NDUFC1: variants seen among roughly 807,000 people sequenced by gnomAD.
The protein encoded by NDUFC1 is NADH:ubiquinone oxidoreductase subunit C1.
NDUFC1 carries 11 observed loss-of-function variants against 11.6 expected under a neutral mutation model. The observed-to-expected ratio is 0.95, with a 90% confidence interval of 0.60 to 1.58. NDUFC1 has a LOEUF of 1.58. Ranked by LOEUF, NDUFC1 falls within the 40% of genes most tolerant of loss-of-function variation. The pLI is 0.00. For missense variants in NDUFC1, 112 were observed against 93.0 expected (o/e 1.20, Z -0.84); for synonymous variants, 52 against 42.2 (o/e 1.23, Z -0.90).
At chr4:139,301,791 G>A (rs767637485) in intron 1 of NDUFC1, 2 of 1,584,188 alleles carry the variant, frequency 1.3e-6, no homozygotes, top group Non-Finnish European at 1.7e-6. Flanking sequence ...CCGGCCGTGA[G>A]CCTCCCGCCC....
chr4:139,293,110 G>A (rs1171082120), intron 4 of NDUFC1, among the ~76,000 whole-genome samples: 2 of 152,092 alleles, frequency 1.3e-5, no homozygotes, highest in Non-Finnish European at 2.9e-5. Flanking sequence ...ATGAGCCACC[G>A]CACCTGGCCA....
intron 3 of NDUFC1, 130 bp from the exon 4 acceptor site, chr4:139,295,276 G>T: frequency 1.4e-6 from 1 of 717,524 alleles, no homozygotes; most frequent in South Asian, 1.6e-5. Flanking sequence ...AACAGCCAAG[G>T]AAATAGAGGT....
At chr4:139,290,966 T>C (rs1273402414) in intron 5 of NDUFC1, among the ~76,000 whole-genome samples, 2 of 151,412 alleles carry the variant, frequency 1.3e-5, no homozygotes, top group Non-Finnish European at 2.9e-5. Flanking sequence ...CGCACCACCA[T>C]GCCTAGCTAT....
chr4:139,301,265 T>C (rs1019858675), intron 1 of NDUFC1: 2 of 343,196 alleles, frequency 5.8e-6, no homozygotes, highest in African/African-American at 4.2e-5. Context: ...CTGTTTTTGA[T>C]GAGGAGGCGG....
chr4:139,295,553 G>A (rs1279471943), intron 3 of NDUFC1, among the ~76,000 whole-genome samples, 179 bp downstream of exon 3: 1 of 152,240 alleles, frequency 6.6e-6, no homozygotes, highest in Non-Finnish European at 1.5e-5. Flanking sequence ...AGAGGCGGGT[G>A]ATGGGGAGCA....
rs757027967 is a variant in NDUFC1 at position 139,295,783 on chromosome 4, A to C, written c.16T>G (p.Leu6Val). Residue 6 changes from leucine (L) to valine (V), a missense_variant, in exon 3 of 6, where the codon TTG (leucine) becomes GTG (valine). Leu to Val is a conservative substitution (Grantham distance 32). Coordinates refer to ENST00000394223, the MANE Select transcript of NDUFC1 (RefSeq NM_001184989.2). ...AGCAGCCGGGAAAGGGGACGCAGCA[A>C]GGCGGACGGCGCCATCTTGCGTGGC... MAPSALLRPLSRLLAP... is the reference protein window; with the variant it reads MAPSAVLRPLSRLLAP... 1 of 1,548,920 alleles carries C rather than the reference A, an allele frequency of 6.5e-7. No individual in the cohort carries two copies. Among genetic ancestry groups the C allele is most frequent in the African/African-American group, 1.4e-5 (1 of 72,492 alleles).
At chr4:139,291,055 A>T (rs1745189397) in intron 5 of NDUFC1, among the ~76,000 whole-genome samples, 1 of 150,034 alleles carries the variant, frequency 6.7e-6, no homozygotes, top group Non-Finnish European at 1.5e-5. Flanking sequence ...TAAGTGATCC[A>T]CTCGCCTCAG....
chr4:139,297,492 T>A (rs1745518610), intron 1 of NDUFC1, 49 bp from the exon 2 acceptor site: 1 of 152,214 alleles, frequency 6.6e-6, no homozygotes, highest in Non-Finnish European at 1.5e-5. Context: ...CTAATATCTA[T>A]AATATTTTGT....
chr4:139,296,273 G>A (rs1745473211), intron 2 of NDUFC1: 1 of 157,566 alleles, frequency 6.3e-6, no homozygotes, highest in Non-Finnish European at 1.4e-5. Context: ...AAAGAAGACA[G>A]CTACTCATCC....
chr4:139,297,642 G>GA (rs759775040), intron 1 of NDUFC1, among the ~76,000 whole-genome samples, 199 bp from the exon 2 acceptor site: 6 of 151,924 alleles, frequency 3.9e-5, no homozygotes, highest in Admixed American at 6.6e-5. Flanking sequence ...TTTCCACTGG[G>GA]AAAAAATCAC....
intron 2 of NDUFC1, among the ~76,000 whole-genome samples, chr4:139,296,909 T>A (rs1745495855): frequency 6.6e-6 from 1 of 152,240 alleles, no homozygotes; most frequent in Non-Finnish European, 1.5e-5. Context: ...AGCAATGTTA[T>A]TTTAAGATCT....
At chr4:139,292,127 G>A (rs983095595) in intron 5 of NDUFC1, among the ~76,000 whole-genome samples, 12 of 152,080 alleles carry the variant, frequency 7.9e-5, no homozygotes, top group Admixed American at 7.9e-4. Context: ...GTGAGCCACC[G>A]CGCCTGGCAG....
At chr4:139,296,003 A>G in intron 2 of NDUFC1, 43 bp from the exon 3 acceptor site, 2 of 530,732 alleles carry the variant, frequency 3.8e-6, no homozygotes, top group Non-Finnish European at 6.5e-6. Context: ...AAGAAAAAAG[A>G]GTTTACCTAT....
At chr4:139,301,365 C>G (rs1745720888) in intron 1 of NDUFC1, 2 of 420,148 alleles carry the variant, frequency 4.8e-6, no homozygotes, top group East Asian at 7.1e-5. Flanking sequence ...TGCCCCGACC[C>G]TCCCGGCCTC....
At chr4:139,291,125 TTA>T (rs971995214) in intron 5 of NDUFC1, among the ~76,000 whole-genome samples, 12 of 148,674 alleles carry the variant, frequency 8.1e-5, no homozygotes, top group African/African-American at 2.0e-4. Context: ...TGTATATATT[TTA>T]TATATATATA....
intron 1 of NDUFC1, chr4:139,301,652 G>T: frequency 8.9e-7 from 1 of 1,123,614 alleles, no homozygotes; most frequent in Non-Finnish European, 1.3e-6. Flanking sequence ...CGACACCCGA[G>T]GCCTGGTGGT....
Position 139,298,637 on chromosome 4 carries a change from G to C in NDUFC1, c.-221-1194C>G, listed in dbSNP as rs1444814643. 9.3e-5 allele frequency among the ~76,000 whole-genome samples: 14 copies of C among 151,112 alleles called. No homozygotes were observed. The East Asian group carries it at 1.9e-3, about 21-fold the overall frequency. On this transcript the variant is annotated intron_variant, in intron 1 of 5. Transcript: ENST00000394223. ...AAGCAATAGCAAATTGTTAACATTT[G>C]TTAAATCTAGGTGACAAATACATGA...
At position 139,290,089 on chromosome 4, in the gene NDUFC1, A is replaced by T. The variant is rs1745148704; in HGVS notation, c.*24T>A. The T allele has an allele frequency of 1.3e-5, 2 of 152,188 alleles. No individual in the cohort carries two copies. Among genetic ancestry groups the T allele is most frequent in the South Asian group, 4.1e-4 (2 of 4,828 alleles). The allele number at this position is 152,188 out of a possible 1,614,324, so 9.4% of individuals were successfully genotyped here. On this transcript the variant is annotated 3_prime_UTR_variant, in exon 6 of 6. Coordinates refer to ENST00000394223, the MANE Select transcript of NDUFC1 (RefSeq NM_001184989.2). ...AACAGCTACAATCACTATACGGAGC[A>T]TACCTATAATGAAGAAAAAAAAAAC... is the stretch of plus-strand genomic sequence containing the variant.
chr4:139,296,987 T>A (rs1255060008), intron 2 of NDUFC1, among the ~76,000 whole-genome samples: 2 of 152,216 alleles, frequency 1.3e-5, no homozygotes, highest in Non-Finnish European at 2.9e-5. Context: ...CATTTTAACA[T>A]GCAAATGGTG....
Sources: gnomAD v4.1 joint callset for allele counts (sites outside exome capture counted in the v4.1 genomes callset) on GRCh38, gnomAD v4.1.1 for gene constraint, MANE v1.5 for transcripts, NCBI Gene and HGNC (gene_info 2026-07-23, HGNC 2026-07-21) for gene names.